The following LTA4H variants were observed in gnomAD, a reference collection of about 807,000 sequenced individuals.
LTA4H encodes the protein leukotriene A-4 hydrolase.
A neutral mutation model predicts 89.8 loss-of-function variants in LTA4H; 59 were observed. The ratio of observed to expected loss-of-function variants is 0.66; its 90% CI spans 0.53 to 0.82. The LOEUF (loss-of-function observed/expected upper bound fraction) is 0.82. Among genes scored for constraint, LTA4H ranks in the 40% least tolerant of loss-of-function variants. LTA4H has a pLI of 0.00. For synonymous variants in LTA4H, 227 were observed against 253.1 expected (o/e 0.90, Z 0.98); for missense variants, 617 against 727.0 (o/e 0.85, Z 1.74).
chr12:96,039,321 A>G (rs747186510), upstream of LTA4H, among the ~76,000 whole-genome samples: 2 of 152,200 alleles, frequency 1.3e-5, no homozygotes, highest in Non-Finnish European at 2.9e-5. Flanking sequence ...AATATTATGA[A>G]AAGAAATAAT....
intron 15 of LTA4H, among the ~76,000 whole-genome samples, chr12:96,007,173 T>C (rs1360273651): frequency 6.6e-6 from 1 of 152,202 alleles, no homozygotes; most frequent in East Asian, 1.9e-4. Context: ...TTCCACTAAA[T>C]TTAATGCATA....
Position 96,006,322 on chromosome 12 carries a change from G to A in LTA4H, c.1522C>T (p.Leu508Phe). The change falls in exon 16 of 19, where the codon CTC becomes TTC. Residue 508 changes from leucine (L) to phenylalanine (F), a missense_variant. Physicochemically the swap from Leu to Phe is conservative, Grantham distance 22. Transcript: ENST00000228740. ...TTTGAGCTAGTACTTACCCTCTGGA[G>A]CGTCTGTGCTAAAAACTCATTCAAT... The part of the protein sequence containing the change: ...HQLNEFLAQT[L>F]QRAPLPLGHI... The A allele has an allele frequency of 6.2e-7, 1 of 1,604,352 alleles. No individual in the cohort carries two copies. The highest frequency in any genetic ancestry group is 8.5e-7 in the Non-Finnish European group (1 of 1,173,192).
intron 3 of LTA4H, 73 bp from the exon 4 acceptor site, chr12:96,024,620 G>T (rs1458447486): frequency 1.0e-6 from 1 of 972,558 alleles, no homozygotes. Context: ...ATTAAAAATT[G>T]CAGCATTGTT....
chr12:96,008,657 CT>C (rs774064159), intron 15 of LTA4H, among the ~76,000 whole-genome samples: 3 of 152,126 alleles, frequency 2.0e-5, no homozygotes, highest in Non-Finnish European at 2.9e-5. Flanking sequence ...TGGCTCATGC[CT>C]GATGCCTGTA....
intron 8 of LTA4H, 49 bp downstream of exon 8, chr12:96,018,714 A>G (rs1204293994): frequency 6.9e-7 from 1 of 1,442,004 alleles, no homozygotes; most frequent in African/African-American, 1.4e-5. Context: ...AAGGTTCTTA[A>G]GTTTATTTTT....
At chr12:96,032,937 C>T (rs11108382) in intron 1 of LTA4H, among the ~76,000 whole-genome samples, 11,902 of 152,076 alleles carry the variant, frequency 0.078, 892 homozygotes, top group East Asian at 0.41. Context: ...GGAACACACA[C>T]TGGGGCTTAC....
At chr12:96,002,314 T>C (rs1473621552) in intron 18 of LTA4H, among the ~76,000 whole-genome samples, 4 of 152,268 alleles carry the variant, frequency 2.6e-5, no homozygotes, top group South Asian at 2.1e-4. Context: ...AGTTTTATGA[T>C]ATTATATGGC....
At chr12:96,013,908 TTG>T (rs1950340693) in intron 12 of LTA4H, 55 bp from the exon 13 acceptor site, 2 of 810,506 alleles carry the variant, frequency 2.5e-6, no homozygotes, top group Admixed American at 4.6e-5. Context: ...ATTTGACATT[TTG>T]TGTGCGTGTT....
At chr12:96,021,040 A>C in intron 6 of LTA4H, 45 bp downstream of exon 6, 2 of 1,529,518 alleles carry the variant, frequency 1.3e-6, no homozygotes, top group Non-Finnish European at 1.8e-6. Context: ...AAGATGCCTA[A>C]GTTTTGATCT....
intron 7 of LTA4H, 131 bp from the exon 8 acceptor site, chr12:96,019,034 T>G (rs369598957): frequency 1.7e-6 from 2 of 1,161,034 alleles, no homozygotes; most frequent in Admixed American, 5.1e-5. Context: ...ATAAAAAGAA[T>G]GTAGCAACTA....
chr12:96,019,899 GTTT>G (rs748833448), intron 6 of LTA4H, among the ~76,000 whole-genome samples: 7 of 120,926 alleles, frequency 5.8e-5, no homozygotes, highest in East Asian at 2.3e-4. Flanking sequence ...CACGCCCAGC[GTTT>G]TTTTTTTTTT....
At chr12:96,001,879 C>T (rs533676102) in intron 18 of LTA4H, among the ~76,000 whole-genome samples, 15 of 151,166 alleles carry the variant, frequency 9.9e-5, no homozygotes, top group African/African-American at 3.4e-4. Context: ...GACAGAGTCT[C>T]GCACTGTCAC....
intron 1 of LTA4H, among the ~76,000 whole-genome samples, chr12:96,042,079 G>A (rs1277457435): frequency 6.7e-6 from 1 of 149,972 alleles, no homozygotes; most frequent in Admixed American, 6.6e-5. Context: ...TGCCTCCTGG[G>A]CGCAAGTGAT....
At chr12:96,032,188 G>A (rs1950581573) in intron 1 of LTA4H, among the ~76,000 whole-genome samples, 2 of 152,214 alleles carry the variant, frequency 1.3e-5, no homozygotes, top group Admixed American at 1.3e-4. Flanking sequence ...AAATTTGGAG[G>A]ATCAAACTTC....
At position 96,013,955 on chromosome 12, in the gene LTA4H, C is replaced by T. The variant is rs1033187295; in HGVS notation, c.1205-102G>A. 12 of 590,348 alleles carry T rather than the reference C, an allele frequency of 2.0e-5. No individual in the cohort carries two copies. In the African/African-American group the frequency reaches 2.1e-4, roughly 10 times the overall value. 36.6% of individuals were successfully genotyped at this position (590,348 alleles called of 1,614,324 possible). On this transcript the variant is annotated intron_variant, in intron 12 of 18. Transcript: ENST00000228740. Reference sequence around the variant, plus strand: ...ACTATTAACCACAGAGAACAGAGAACATTCAGAGAATAGGGAAATCTACGA... The same window carrying T: ...ACTATTAACCACAGAGAACAGAGAATATTCAGAGAATAGGGAAATCTACGA...
At chr12:96,036,627 T>C (rs2136926534), upstream of LTA4H, among the ~76,000 whole-genome samples, 1 of 152,140 alleles carries the variant, frequency 6.6e-6, no homozygotes. Flanking sequence ...AAGGAATGAA[T>C]AGAAGGAATA....
At chr12:96,007,365 T>A (rs2136865426) in intron 15 of LTA4H, among the ~76,000 whole-genome samples, 1 of 152,218 alleles carries the variant, frequency 6.6e-6, no homozygotes, top group South Asian at 2.1e-4. Context: ...ATTTATGTGG[T>A]AAAAACATAA....
At chr12:96,003,753 C>G (rs1480305702) in intron 17 of LTA4H, 85 bp downstream of exon 17, 1 of 856,184 alleles carries the variant, frequency 1.2e-6, no homozygotes, top group Admixed American at 2.2e-5. Context: ...TCAAGTATGT[C>G]TCATACTCTG....
intron 3 of LTA4H, chr12:96,025,517 T>C (rs61937883): frequency 0.13 from 19,130 of 152,216 alleles, 1,595 homozygotes; most frequent in Non-Finnish European, 0.19. Flanking sequence ...CACCAATCGT[T>C]ATTAACATTG....
Sources: allele counts gnomAD v4.1 joint callset (sites outside exome capture counted in the v4.1 genomes callset), GRCh38; gene constraint gnomAD v4.1.1; transcripts MANE v1.5; gene names NCBI Gene and HGNC (gene_info 2026-07-23, HGNC 2026-07-21).